The following CEP192 variants were observed in gnomAD, a reference collection of about 807,000 sequenced individuals.
CEP192 encodes centrosomal protein of 192 kDa.
CEP192 carries 151 observed loss-of-function variants against 271.8 expected under a neutral mutation model. That is an observed-to-expected ratio of 0.56 (90% CI 0.49 to 0.64). The LOEUF (loss-of-function observed/expected upper bound fraction) is 0.64, where lower values mean the gene tolerates loss of function less well. Among genes scored for constraint, CEP192 ranks in the 30% least tolerant of loss-of-function variants. CEP192 has a pLI of 0.00. For synonymous variants in CEP192, 995 were observed against 1,076.5 expected, an observed-to-expected ratio of 0.92 and a Z score of 1.48; for missense variants, 2,910 against 3,020.5, an observed-to-expected ratio of 0.96 and a Z score of 0.86.
At position 13,017,288 on chromosome 18, in the gene CEP192, A is replaced by G; in HGVS notation, c.741A>G (p.Pro247=). The part of the protein sequence containing the change: ...PGMIYEDLEG[P]EPPEKGFKLP... ...TGATATATGAAGACCTAGAAGGACC[A>G]GAACCTCCAGAAAAAGGTTTTAAGT... Residue 247 remains proline, a synonymous_variant, in exon 7 of 45, where the codon CCA becomes CCG. Transcript: ENST00000506447. 1 of 1,549,562 alleles carries G rather than the reference A, an allele frequency of 6.5e-7. No individual in the cohort carries two copies. The highest frequency in any genetic ancestry group is 8.7e-7 in the Non-Finnish European group (1 of 1,146,228).
intron 4 of CEP192, among the ~76,000 whole-genome samples, 192 bp from the exon 5 acceptor site, chr18:13,012,781 A>G (rs2034437860): frequency 6.6e-6 from 1 of 152,054 alleles, no homozygotes; most frequent in Non-Finnish European, 1.5e-5. Context: ...CTTTGGTACA[A>G]TTTTTTTTAT....
Position 13,038,368 on chromosome 18 carries a change from AG to A in CEP192, c.1600del. 6.5e-7 allele frequency: 1 copy of A among 1,550,022 alleles called. No homozygotes were observed. The highest frequency in any genetic ancestry group is 1.4e-5 in the African/African-American group (1 of 73,128). ...GAAACGAAACAATAACTTTCTCCCT[AG>A]GAAGAAAACATAGATGCTCATAATA... On this transcript the variant is annotated splice_acceptor_variant, in intron 12 of 44. Transcript: ENST00000506447. LOFTEE classifies it high-confidence loss of function.
At chr18:13,091,996 C>T (rs2039168830) in intron 33 of CEP192, among the ~76,000 whole-genome samples, 1 of 152,146 alleles carries the variant, frequency 6.6e-6, no homozygotes, top group South Asian at 2.1e-4. Context: ...ACAATGTCCA[C>T]ATTAAGCTTC....
At chr18:13,031,254 T>G (rs970719327) in intron 11 of CEP192, among the ~76,000 whole-genome samples, 1 of 145,498 alleles carries the variant, frequency 6.9e-6, no homozygotes, top group Non-Finnish European at 1.5e-5. Flanking sequence ...TTTTTTTTTT[T>G]TTTTTTTTTT....
At position 13,030,507 on chromosome 18, in the gene CEP192, G is replaced by T; in HGVS notation, c.1433G>T (p.Gly478Val). The change falls in exon 11 of 45, where the codon GGT becomes GTT. Residue 478 changes from glycine (G) to valine (V), a missense_variant. Coordinates refer to ENST00000506447, the MANE Select transcript of CEP192 (RefSeq NM_032142.4). ...PQSVVYQNEE[G>V]RWVTDLAYYT... ...AGTGTGGTCTATCAAAATGAAGAGG[G>T]TAGGTGGGTCACAGACCTTGCCTAT... The T allele has an allele frequency of 6.2e-7, 1 of 1,612,596 alleles. No homozygotes were observed. The highest frequency in any genetic ancestry group is 8.5e-7 in the Non-Finnish European group (1 of 1,179,336).
rs1207432679 is a variant in CEP192 at position 13,073,029 on chromosome 18, A to C, written c.5460A>C (p.Ser1820=). 6.2e-7 allele frequency: 1 copy of C among 1,609,138 alleles called. No individual in the cohort carries two copies. Among genetic ancestry groups the C allele is most frequent in the Non-Finnish European group, 8.5e-7 (1 of 1,178,646 alleles). ...DCFQLQNTFG[S]EQRLTSNCEI... is the part of the protein sequence containing the mutation. ...TGTAGCTTCAGAACACTTTTGGTTC[A>C]GAACAGCGATTGACCAGTAACTGTG... is the stretch of plus-strand genomic sequence containing the variant. The change falls in exon 30 of 45, where the codon TCA becomes TCC. Residue 1820 remains serine, a synonymous_variant. Transcript: ENST00000506447.
chr18:13,007,210 C>T (rs942974948), intron 3 of CEP192, among the ~76,000 whole-genome samples: 8 of 152,142 alleles, frequency 5.3e-5, no homozygotes, highest in Non-Finnish European at 1.2e-4. Context: ...TAGTTCTTAC[C>T]CAGATTGCTT....
intron 34 of CEP192, among the ~76,000 whole-genome samples, chr18:13,092,810 G>C (rs568593453): frequency 6.6e-6 from 1 of 152,028 alleles, no homozygotes; most frequent in Non-Finnish European, 1.5e-5. Context: ...TCTGGACCAC[G>C]TAAGAGTAAG....
In CEP192 at chr18:13,069,076, C is replaced by T. The variant is rs1440615186; in HGVS notation, c.4963-13C>T. ...ACAGTTCGTTGAAATGTCTGTCTTG[C>T]CCCATCCTCCAGACGATGCATTTCT... On this transcript the variant is annotated splice_polypyrimidine_tract_variant and intron_variant, in intron 25 of 44. Transcript: ENST00000506447. The T allele has an allele frequency of 1.9e-6, 3 of 1,613,902 alleles. No individual in the cohort carries two copies. In the East Asian group the frequency reaches 6.7e-5, roughly 36 times the overall value.
intron 34 of CEP192, among the ~76,000 whole-genome samples, chr18:13,095,028 C>T (rs982782180): frequency 2.6e-5 from 4 of 152,184 alleles, no homozygotes; most frequent in Admixed American, 2.6e-4. Flanking sequence ...CCCCTGTCAC[C>T]CCTATACTTT....
rs771468226 is a variant in CEP192 at position 13,040,854 on chromosome 18, T to G, written c.1834T>G (p.Ser612Ala). 1 of 1,590,224 alleles carries G rather than the reference T, an allele frequency of 6.3e-7. No individual in the cohort carries two copies. Among genetic ancestry groups the G allele is most frequent in the African/African-American group, 1.4e-5 (1 of 73,778 alleles). Residue 612 changes from serine (S) to alanine (A), a missense_variant, in exon 14 of 45, where the codon TCA (serine) becomes GCA (alanine). Ser to Ala is a moderately conservative substitution (Grantham distance 99). Coordinates refer to ENST00000506447, the MANE Select transcript of CEP192 (RefSeq NM_032142.4). ...KRPSFGYFIR[S>A]PEKREPIALI... The stretch of plus-strand genomic sequence containing the variant: ...GCCATCATTTGGCTATTTTATTAGA[T>G]CACCAGAGAAGAGAGAACCTATTGC...
chr18:13,118,668 A>C (rs774321171), intron 44 of CEP192, among the ~76,000 whole-genome samples: 1 of 152,244 alleles, frequency 6.6e-6, no homozygotes, highest in Non-Finnish European at 1.5e-5. Context: ...CATAAACTTG[A>C]TAAACTCTTT....
rs758101974 is a variant in CEP192, at chr18:13,100,353, T to A, written c.6712T>A (p.Leu2238Ile). The change falls in exon 38 of 45, where the codon TTA (leucine) becomes ATA (isoleucine). Residue 2238 changes from leucine (L) to isoleucine (I), a missense_variant. Physicochemically the swap from Leu to Ile is conservative, Grantham distance 5. Transcript: ENST00000506447. ...IREDLTQVEL[L>I]TRLTSKPFGI... The stretch of plus-strand genomic sequence containing the variant: ...AGAAGATTTAACTCAAGTGGAACTT[T>A]TAACTCGTTTGACCTCCAAACCATT... The A allele has an allele frequency of 8.7e-6, 14 of 1,614,050 alleles. No individual in the cohort carries two copies. In the Admixed American group the frequency reaches 1.8e-4, roughly 21 times the overall value.
Position 13,100,451 on chromosome 18 carries a change from A to G in CEP192, c.6810A>G (p.Thr2270=), listed in dbSNP as rs758146649. The change falls in exon 38 of 45, where the codon ACA becomes ACG. Residue 2270 remains threonine, a synonymous_variant. Coordinates refer to ENST00000506447, the MANE Select transcript of CEP192 (RefSeq NM_032142.4). Reference sequence around the variant, plus strand: ...AACCAATGACAAAACCGCCTTCCACAAAAGTTGAAATAAGAAACAAGAGTA... The same window carrying G: ...AACCAATGACAAAACCGCCTTCCACGAAAGTTGAAATAAGAAACAAGAGTA... ...LVKPMTKPPS[T]KVEIRNKSIT... is the part of the protein sequence containing the mutation. The G allele has an allele frequency of 3.7e-6, 6 of 1,614,146 alleles. No homozygotes were observed. Among genetic ancestry groups the G allele is most frequent in the Non-Finnish European group, 5.1e-6 (6 of 1,180,000 alleles).
chr18:13,019,010 C>G (rs2034827479), intron 8 of CEP192, 72 bp from the exon 9 acceptor site: 1 of 1,369,214 alleles, frequency 7.3e-7, no homozygotes. Flanking sequence ...ATTTGACTGG[C>G]AAGAATCAGT....
chr18:13,057,894 G>A, intron 20 of CEP192, 161 bp downstream of exon 20: 1 of 502,180 alleles, frequency 2.0e-6, no homozygotes, highest in Non-Finnish European at 3.4e-6. Flanking sequence ...TGTAGTGCTT[G>A]TAGAGTGTAA....
rs754559228 is a variant in CEP192 at position 13,114,208 on chromosome 18, C to G, written c.7246C>G (p.Pro2416Ala). The stretch of plus-strand genomic sequence containing the variant: ...CATTAAAATAGATCATTTAGTTAAG[C>G]CCCGAAGACAAGCTGTGTCAGAGGC... ...SLIKIDHLVK[P>A]RRQAVSEASA... The change falls in exon 42 of 45, where the codon CCC becomes GCC. Residue 2416 changes from proline (P) to alanine (A), a missense_variant. By Grantham distance (27) the Pro-to-Ala change is conservative. Transcript: ENST00000506447. The G allele has an allele frequency of 6.2e-7, 1 of 1,613,906 alleles. No homozygotes were observed. The highest frequency in any genetic ancestry group is 8.5e-7 in the Non-Finnish European group (1 of 1,179,946).
rs2036881386 is a variant in CEP192, at chr18:13,052,968, TGTGAGCAGGA to T, written c.3070_3079del (p.Glu1024CysfsTer11). 6.2e-7 allele frequency: 1 copy of T among 1,613,142 alleles called. No individual in the cohort carries two copies. Among genetic ancestry groups the T allele is most frequent in the African/African-American group, 1.3e-5 (1 of 74,898 alleles). On this transcript the variant is annotated frameshift_variant, in exon 18 of 45. Coordinates refer to ENST00000506447, the MANE Select transcript of CEP192 (RefSeq NM_032142.4). LOFTEE classifies it high-confidence loss of function. ...AGCAGCTCAGCAGCAGCAGCCTCCC[TGTGAGCAGGA>T]GTTGTCTCCCTTGGTGTGCTCGCCT... is the stretch of plus-strand genomic sequence containing the variant.
At chr18:13,080,064 T>A (rs1598536981) in intron 30 of CEP192, among the ~76,000 whole-genome samples, 1 of 152,220 alleles carries the variant, frequency 6.6e-6, no homozygotes, top group Non-Finnish European at 1.5e-5. Context: ...TGAAGTCAGG[T>A]AGCATGATGC....
Sources: allele counts gnomAD v4.1 joint callset (sites outside exome capture counted in the v4.1 genomes callset), GRCh38; gene constraint gnomAD v4.1.1; transcripts MANE v1.5; gene names NCBI Gene and HGNC (gene_info 2026-07-23, HGNC 2026-07-21).